Variants in ARHGEF4 observed in about 807,000 individuals in gnomAD.
The protein encoded by ARHGEF4 is Rho guanine nucleotide exchange factor 4.
In ARHGEF4, 119 loss-of-function variants were observed where a neutral mutation model predicts 162.0. That is an observed-to-expected ratio of 0.73 (90% CI 0.63 to 0.86). The LOEUF (loss-of-function observed/expected upper bound fraction) is 0.86, where lower values mean the gene tolerates loss of function less well. Among genes scored for constraint, ARHGEF4 ranks in the 40% least tolerant of loss-of-function variants. ARHGEF4 has a pLI of 0.00. For synonymous variants in ARHGEF4, 1,014 were observed against 979.9 expected (o/e 1.03, Z -0.65); for missense variants, 2,488 against 2,456.0 (o/e 1.01, Z -0.28).
chr2:130,899,151 CTTTAT>C (rs1400716544), intron 1 of ARHGEF4, among the ~76,000 whole-genome samples: 1 of 151,946 alleles, frequency 6.6e-6, no homozygotes, highest in Non-Finnish European at 1.5e-5. Context: ...AGGGTACTCT[CTTTAT>C]TTTAAGGTCA....
chr2:130,909,407 A>G (rs375113368), intron 1 of ARHGEF4, among the ~76,000 whole-genome samples: 7 of 152,234 alleles, frequency 4.6e-5, no homozygotes, highest in African/African-American at 1.4e-4. Flanking sequence ...TAAGTGGGAA[A>G]GACCAGATAA....
At position 130,982,550 on chromosome 2, in the gene ARHGEF4, T is replaced by C. The variant is rs578186232; in HGVS notation, c.3985+35915T>C. 3.9e-5 allele frequency among the ~76,000 whole-genome samples: 6 copies of C among 152,116 alleles called. No individual in the cohort carries two copies. The South Asian group carries it at 1.3e-3, about 32-fold the overall frequency. On this transcript the variant is annotated intron_variant, in intron 4 of 13. Transcript: ENST00000409359. ...TCAGTCCCAGATTTTTTCTTCCTTC[T>C]TTTTTCGCCTCCTCCTCCTCCCCCT...
chr2:130,885,964 CTG>C (rs1421587011), intron 1 of ARHGEF4, among the ~76,000 whole-genome samples: 1 of 152,034 alleles, frequency 6.6e-6, no homozygotes, highest in Non-Finnish European at 1.5e-5. Context: ...CATAATCACA[CTG>C]TGAATCAAGA....
rs754430232 is a variant in ARHGEF4, at chr2:131,041,447, C to T, written c.4880C>T (p.Thr1627Met). ...PLQLAELLKYTHPQHRDFKDV... is the reference protein window; with the variant it reads ...PLQLAELLKYMHPQHRDFKDV... ...CAGCTGGCCGAGCTGCTCAAATACACGCACCCCCAGCACAGGTAGGAGGGC... is the reference window on the plus strand; with the variant it reads ...CAGCTGGCCGAGCTGCTCAAATACATGCACCCCCAGCACAGGTAGGAGGGC... The change falls in exon 9 of 14, where the codon ACG becomes ATG. Residue 1627 changes from threonine (T) to methionine (M), a missense_variant. By Grantham distance (81) the Thr-to-Met change is moderately conservative. Transcript: ENST00000409359. 6 of 1,612,380 alleles carry T rather than the reference C, an allele frequency of 3.7e-6. No individual in the cohort carries two copies. Among genetic ancestry groups the T allele is most frequent in the Non-Finnish European group, 4.2e-6 (5 of 1,179,802 alleles).
At chr2:130,881,356 C>T (rs941230127) in intron 1 of ARHGEF4, among the ~76,000 whole-genome samples, 3 of 152,134 alleles carry the variant, frequency 2.0e-5, no homozygotes, top group African/African-American at 7.2e-5. Context: ...GAGCTTGAGA[C>T]AAAGAACTAT....
At chr2:130,979,605 G>A (rs903019239) in intron 4 of ARHGEF4, among the ~76,000 whole-genome samples, 2 of 151,834 alleles carry the variant, frequency 1.3e-5, no homozygotes, top group Non-Finnish European at 2.9e-5. Context: ...GCTTGGTAGC[G>A]GGAGCCTGTA....
At chr2:130,954,654 A>G (rs1001648588) in intron 4 of ARHGEF4, among the ~76,000 whole-genome samples, 3 of 152,234 alleles carry the variant, frequency 2.0e-5, no homozygotes, top group Admixed American at 6.5e-5. Flanking sequence ...ATTGTTAATC[A>G]TATTGAAGAA....
chr2:130,888,037 C>T (rs886522170), intron 1 of ARHGEF4, among the ~76,000 whole-genome samples: 1 of 152,086 alleles, frequency 6.6e-6, no homozygotes, highest in Admixed American at 6.5e-5. Context: ...TTTTATTCAT[C>T]TTTTAAAAAC....
chr2:131,043,510 T>A lies in ARHGEF4; in HGVS notation c.5084T>A (p.Val1695Asp). Residue 1695 changes from valine to aspartate, a missense_variant, in exon 11 of 14, where the codon GTT (valine) becomes GAT (aspartate). Val to Asp is a radical substitution (Grantham distance 152, BLOSUM62 -3). Coordinates refer to ENST00000409359, the MANE Select transcript of ARHGEF4 (RefSeq NM_001367493.1). ...ATCTACTCGGGGGAGCTGACTCGAG[T>A]TACACAGCCTCAAGCCAAAAGCCAG... ...ELIYSGELTRVTQPQAKSQQR... is the reference protein window; with the variant it reads ...ELIYSGELTRDTQPQAKSQQR... The A allele has an allele frequency of 6.2e-7, 1 of 1,613,908 alleles. No individual in the cohort carries two copies. Among genetic ancestry groups the A allele is most frequent in the Non-Finnish European group, 8.5e-7 (1 of 1,179,974 alleles).
chr2:130,862,777 ATTGC>A (rs1161272464), intron 1 of ARHGEF4, among the ~76,000 whole-genome samples: 1 of 86,336 alleles, frequency 1.2e-5, no homozygotes, highest in Non-Finnish European at 1.9e-5. Context: ...CTGAGGCAGA[ATTGC>A]TTGAACTCAG....
intron 1 of ARHGEF4, among the ~76,000 whole-genome samples, chr2:130,887,558 T>C (rs1448368756): frequency 6.6e-6 from 1 of 152,142 alleles, no homozygotes; most frequent in African/African-American, 2.4e-5. Context: ...ACCGACTTTT[T>C]TTCATTCCTC....
chr2:131,007,621 A>AACT (rs1688198570), intron 4 of ARHGEF4, among the ~76,000 whole-genome samples: 1 of 152,052 alleles, frequency 6.6e-6, no homozygotes, highest in Admixed American at 6.5e-5. Flanking sequence ...AGATACTGTT[A>AACT]ACTATTTCGT....
At chr2:130,972,514 C>G (rs1685432007) in intron 4 of ARHGEF4, among the ~76,000 whole-genome samples, 1 of 152,208 alleles carries the variant, frequency 6.6e-6, no homozygotes, top group East Asian at 1.9e-4. Context: ...AACTAGAGTT[C>G]TGGAAATCCT....
At chr2:130,948,821 C>CA in intron 4 of ARHGEF4, among the ~76,000 whole-genome samples, 1 of 152,012 alleles carries the variant, frequency 6.6e-6, no homozygotes, top group Non-Finnish European at 1.5e-5. Flanking sequence ...CCTTTTTCTT[C>CA]AAAAAAGGAG....
intron 5 of ARHGEF4, among the ~76,000 whole-genome samples, chr2:131,029,056 T>C (rs1035475464): frequency 1.1e-4 from 16 of 152,196 alleles, no homozygotes; most frequent in African/African-American, 3.4e-4. Context: ...CAGCTCTAGA[T>C]GATGATTTAA....
At chr2:130,898,231 A>G (rs1179204935) in intron 1 of ARHGEF4, among the ~76,000 whole-genome samples, 7 of 152,112 alleles carry the variant, frequency 4.6e-5, no homozygotes. Context: ...TGAGGGTGGG[A>G]TGGTTGCAGC....
chr2:130,993,457 G>A (rs1286162996), intron 4 of ARHGEF4, among the ~76,000 whole-genome samples: 1 of 152,014 alleles, frequency 6.6e-6, no homozygotes, highest in East Asian at 1.9e-4. Context: ...TTTTCTTCTT[G>A]TTGGGTGCAG....
chr2:131,013,179 G>A (rs1688578662), intron 4 of ARHGEF4, among the ~76,000 whole-genome samples: 1 of 152,168 alleles, frequency 6.6e-6, no homozygotes. Flanking sequence ...TGGTTGTCAG[G>A]AGCAGATTCA....
At chr2:130,926,704 T>C (rs927951498) in intron 2 of ARHGEF4, among the ~76,000 whole-genome samples, 1 of 151,100 alleles carries the variant, frequency 6.6e-6, no homozygotes, top group Non-Finnish European at 1.5e-5. Flanking sequence ...CTTGCACCGA[T>C]AGCTTGGTGT....
Sources: gnomAD v4.1 joint callset for allele counts (sites outside exome capture counted in the v4.1 genomes callset) on GRCh38, gnomAD v4.1.1 for gene constraint, MANE v1.5 for transcripts, NCBI Gene and HGNC (gene_info 2026-07-23, HGNC 2026-07-21) for gene names.